The following PIK3C2G variants were observed in gnomAD, a reference collection of about 807,000 sequenced individuals.
The protein encoded by PIK3C2G is phosphatidylinositol-4-phosphate 3-kinase catalytic subunit type 2 gamma, also known as phosphatidylinositol 3-kinase C2 domain-containing subunit gamma.
A neutral mutation model predicts 181.1 loss-of-function variants in PIK3C2G; 168 were observed. That is an observed-to-expected ratio of 0.93 (90% CI 0.82 to 1.05). PIK3C2G has a LOEUF of 1.05. PIK3C2G is among the 50% of genes least tolerant of loss of function. PIK3C2G has a pLI of 0.00. For missense variants in PIK3C2G, 1,869 were observed against 1,732.8 expected, an observed-to-expected ratio of 1.08 and a Z score of -1.40; for synonymous variants, 573 against 592.2, an observed-to-expected ratio of 0.97 and a Z score of 0.47.
At chr12:18,586,171 T>C (rs1946765690) in intron 29 of PIK3C2G, among the ~76,000 whole-genome samples, 1 of 152,010 alleles carries the variant, frequency 6.6e-6, no homozygotes, top group African/African-American at 2.4e-5. Flanking sequence ...ACCCCAAAGC[T>C]AGCAGAAGAG....
intron 13 of PIK3C2G, among the ~76,000 whole-genome samples, chr12:18,379,679 G>A (rs1942701504): frequency 6.6e-6 from 1 of 152,170 alleles, no homozygotes; most frequent in African/African-American, 2.4e-5. Flanking sequence ...GCTGACGGAT[G>A]CTTGTTACAG....
chr12:18,639,368 T>C (rs1417228874), intron 31 of PIK3C2G, among the ~76,000 whole-genome samples: 2 of 152,170 alleles, frequency 1.3e-5, no homozygotes, highest in Non-Finnish European at 2.9e-5. Context: ...CACATGTGAA[T>C]ATCACTGTAT....
chr12:18,641,134 G>C (rs547574298), intron 32 of PIK3C2G, among the ~76,000 whole-genome samples: 1 of 151,510 alleles, frequency 6.6e-6, no homozygotes, highest in Non-Finnish European at 1.5e-5. Flanking sequence ...TTTTCTTATG[G>C]CTGTCTCATC....
At chr12:18,650,712 CTATA>C (rs1157799425), downstream of PIK3C2G, among the ~76,000 whole-genome samples, 354 of 14,346 alleles carry the variant, frequency 0.025, 3 homozygotes, top group South Asian at 0.04. Context: ...GTGTATATAT[CTATA>C]TATATATATA....
At chr12:18,433,749 C>T (rs1946293580) in intron 18 of PIK3C2G, among the ~76,000 whole-genome samples, 1 of 152,148 alleles carries the variant, frequency 6.6e-6, no homozygotes. Context: ...TCACCCATTT[C>T]ATCAAGTTAA....
chr12:18,573,891 T>C (rs1035981536), intron 29 of PIK3C2G, among the ~76,000 whole-genome samples: 1 of 152,138 alleles, frequency 6.6e-6, no homozygotes, highest in Non-Finnish European at 1.5e-5. Flanking sequence ...TGTTTGCTGC[T>C]ACCCACCAGT....
chr12:18,685,844 G>GCACACA, the PIK3C2G span, among the ~76,000 whole-genome samples: 3 of 48,244 alleles, frequency 6.2e-5, no homozygotes, highest in African/African-American at 1.4e-4. Flanking sequence ...ACACACACAC[G>GCACACA]CGCACACACA....
rs756898812 is a variant in PIK3C2G, at chr12:18,563,388, C to G, written c.3792C>G (p.Ile1264Met). 8 of 1,611,806 alleles carry G rather than the reference C, an allele frequency of 5.0e-6. No homozygotes were observed. Among genetic ancestry groups the G allele is most frequent in the Non-Finnish European group, 5.9e-6 (7 of 1,178,740 alleles). ...TTTACTTTCTGCAGCTGTATCTGAT[C>G]CAGGTGACACACAGCAACAACGAAA... ...FSKKSSNLYL[I>M]QVTHSNNETS... The change falls in exon 28 of 33, where the codon ATC (isoleucine) becomes ATG (methionine). Residue 1264 changes from isoleucine to methionine, a missense_variant. Coordinates refer to ENST00000538779, the MANE Select transcript of PIK3C2G (RefSeq NM_001288772.2).
At chr12:18,578,228 C>T (rs1478615232) in intron 29 of PIK3C2G, among the ~76,000 whole-genome samples, 1 of 152,182 alleles carries the variant, frequency 6.6e-6, no homozygotes, top group African/African-American at 2.4e-5. Context: ...GAGAAGCTTA[C>T]AGTCTGTGTC....
At chr12:18,612,503 A>C (rs1193868506) in intron 31 of PIK3C2G, among the ~76,000 whole-genome samples, 2 of 152,128 alleles carry the variant, frequency 1.3e-5, no homozygotes, top group East Asian at 1.9e-4. Flanking sequence ...TCATGTGAAC[A>C]ACTAAGGACT....
chr12:18,419,735 G>A (rs1945371600), intron 16 of PIK3C2G, among the ~76,000 whole-genome samples: 1 of 152,120 alleles, frequency 6.6e-6, no homozygotes, highest in Admixed American at 6.6e-5. Flanking sequence ...TAACCTTATA[G>A]GTAAAATTCT....
chr12:18,584,135 C>A (rs1213895125), intron 29 of PIK3C2G, among the ~76,000 whole-genome samples: 1 of 151,494 alleles, frequency 6.6e-6, no homozygotes, highest in Non-Finnish European at 1.5e-5. Context: ...TCACGCCATT[C>A]TCCTGCCCCA....
At position 18,488,443 on chromosome 12, in the gene PIK3C2G, C is replaced by A; in HGVS notation, c.2505-6C>A. ...ACAAGAATTTTTTTCTCTCTCTTTC[C>A]TTCAGGCTGCTAAAAAATGCAGAAA... On this transcript the variant is annotated splice_region_variant and splice_polypyrimidine_tract_variant and intron_variant, in intron 18 of 32. Coordinates refer to ENST00000538779, the MANE Select transcript of PIK3C2G (RefSeq NM_001288772.2). The A allele has an allele frequency of 2.0e-6, 3 of 1,497,938 alleles. No individual in the cohort carries two copies. Among genetic ancestry groups the A allele is most frequent in the Non-Finnish European group, 1.8e-6 (2 of 1,123,124 alleles). The allele number at this position is 1,497,938 out of a possible 1,614,324, so 92.8% of individuals were successfully genotyped here. A position where few individuals can be genotyped will look rare whatever the true frequency, so the allele number is the denominator to read the frequency against.
At chr12:18,492,683 T>A (rs77912850) in intron 20 of PIK3C2G, among the ~76,000 whole-genome samples, 2 of 152,314 alleles carry the variant, frequency 1.3e-5, no homozygotes, top group East Asian at 3.9e-4. Flanking sequence ...AGTCCATGTA[T>A]TTTTTGTTTG....
intron 26 of PIK3C2G, among the ~76,000 whole-genome samples, chr12:18,556,915 T>G (rs556743032): frequency 6.6e-6 from 1 of 152,286 alleles, no homozygotes; most frequent in East Asian, 1.9e-4. Context: ...CAAAAAAGTT[T>G]AAGACCAGAA....
chr12:18,380,734 A>G (rs1942780603), intron 13 of PIK3C2G, among the ~76,000 whole-genome samples: 3 of 152,202 alleles, frequency 2.0e-5, no homozygotes, highest in African/African-American at 7.2e-5. Flanking sequence ...ATACTCCTCT[A>G]GGCAGATATG....
intron 31 of PIK3C2G, among the ~76,000 whole-genome samples, chr12:18,631,777 A>G (rs1949363021): frequency 1.3e-5 from 2 of 152,220 alleles, no homozygotes; most frequent in African/African-American, 4.8e-5. Flanking sequence ...AGCAGTACTA[A>G]CAAAGTCTAA....
chr12:18,483,326 A>C (rs1342327290), intron 18 of PIK3C2G, among the ~76,000 whole-genome samples: 2 of 152,162 alleles, frequency 1.3e-5, no homozygotes, highest in Admixed American at 1.3e-4. Flanking sequence ...TTACTCAGAG[A>C]GCATCTCCTA....
chr12:18,563,491 C>CT lies in PIK3C2G; in HGVS notation c.3896dup (p.Glu1301ArgfsTer34), dbSNP rs2136338427. On this transcript the variant is annotated frameshift_variant, in exon 28 of 33. Transcript: ENST00000538779. LOFTEE classifies it high-confidence loss of function. ...TCAGAAGCAGTTTGCATCACTGACT[C>CT]TCCCAGAGTAAGGCACTGTCCTTTT... 6.2e-7 allele frequency: 1 copy of CT among 1,613,730 alleles called. No homozygotes were observed. The highest frequency in any genetic ancestry group is 2.2e-5 in the East Asian group (1 of 44,848).
Sources: gnomAD v4.1 joint callset for allele counts (sites outside exome capture counted in the v4.1 genomes callset) on GRCh38, gnomAD v4.1.1 for gene constraint, MANE v1.5 for transcripts, NCBI Gene and HGNC (gene_info 2026-07-23, HGNC 2026-07-21) for gene names.